TATDN2: variants seen among roughly 807,000 people sequenced by gnomAD.
The protein encoded by TATDN2 is 3'-5' RNA nuclease TATDN2.
A neutral mutation model predicts 60.3 loss-of-function variants in TATDN2; 44 were observed. The ratio of observed to expected loss-of-function variants is 0.73; its 90% CI spans 0.57 to 0.94. The LOEUF (loss-of-function observed/expected upper bound fraction) is 0.94. Ranked by LOEUF, TATDN2 falls within the 40% of genes least tolerant of loss-of-function variation. TATDN2 has a pLI of 0.00. For synonymous variants in TATDN2, 399 were observed against 355.8 expected (o/e 1.12, Z -1.37); for missense variants, 997 against 948.0 (o/e 1.05, Z -0.68).
rs906805539 is a variant in TATDN2, at chr3:10,279,291, A to T, written c.*109A>T. ...TCTCAGGTCGAGGATGTGTTTAGAG[A>T]GCTGATTGGAACACAGAAAACCAGG... On this transcript the variant is annotated 3_prime_UTR_variant, in exon 8 of 8. Transcript: ENST00000448281. 1 of 315,154 alleles carries T rather than the reference A, an allele frequency of 3.2e-6. No individual in the cohort carries two copies. Among genetic ancestry groups the T allele is most frequent in the Non-Finnish European group, 5.9e-6 (1 of 170,472 alleles). 19.5% of individuals were successfully genotyped at this position (315,154 alleles called of 1,614,324 possible).
intron 2 of TATDN2, among the ~76,000 whole-genome samples, chr3:10,253,016 C>A (rs1698254658): frequency 6.6e-6 from 1 of 152,112 alleles, no homozygotes; most frequent in Non-Finnish European, 1.5e-5. Flanking sequence ...GCCACCATGT[C>A]CGGCTAATTT....
intron 2 of TATDN2, among the ~76,000 whole-genome samples, chr3:10,256,298 G>A (rs1698307430): frequency 6.6e-6 from 1 of 151,944 alleles, no homozygotes; most frequent in Admixed American, 6.6e-5. Flanking sequence ...CTCAGCTCCT[G>A]GAGTAGCTGG....
At chr3:10,275,085 A>C (rs2125180998) in intron 4 of TATDN2, among the ~76,000 whole-genome samples, 1 of 149,170 alleles carries the variant, frequency 6.7e-6, no homozygotes, top group East Asian at 2.0e-4. Context: ...TCCCAGGTTC[A>C]GGGGATTCTC....
At chr3:10,266,601 A>G (rs1000081783) in intron 3 of TATDN2, among the ~76,000 whole-genome samples, 19 of 152,244 alleles carry the variant, frequency 1.2e-4, no homozygotes, top group Non-Finnish European at 4.4e-5. Flanking sequence ...ATACAGGGTC[A>G]GATGCATTTT....
At position 10,279,403 on chromosome 3, in the gene TATDN2, G is replaced by T; in HGVS notation, c.*221G>T. 1 of 214,746 alleles carries T rather than the reference G, an allele frequency of 4.7e-6. No homozygotes were observed. The highest frequency in any genetic ancestry group is 7.0e-5 in the South Asian group (1 of 14,360). 13.3% of individuals were successfully genotyped at this position (214,746 alleles called of 1,614,324 possible). A position where few individuals can be genotyped will look rare whatever the true frequency, so the allele number is the denominator to read the frequency against. On this transcript the variant is annotated 3_prime_UTR_variant, in exon 8 of 8. Coordinates refer to ENST00000448281, the MANE Select transcript of TATDN2 (RefSeq NM_014760.4). ...GGTGGGCATGGAATGAGGGGTATGG[G>T]GACTGCCTGTAATAGCACTGGGATT...
In TATDN2 at chr3:10,248,489, C is replaced by A. The variant is rs969368277; in HGVS notation, c.-585C>A. 11 of 152,112 alleles carry A rather than the reference C, an allele frequency of 7.2e-5. No homozygotes were observed. Among genetic ancestry groups the A allele is most frequent in the African/African-American group, 1.9e-4 (8 of 41,414 alleles). 9.4% of individuals were successfully genotyped at this position (152,112 alleles called of 1,614,324 possible). ...TCTCCGGCCTGCGGGCCGCAGGGCT[C>A]GTTCCGGAGGGCGGGCGCCACGGAG... is the stretch of plus-strand genomic sequence containing the variant. On this transcript the variant is annotated 5_prime_UTR_variant, in exon 1 of 8. Coordinates refer to ENST00000448281, the MANE Select transcript of TATDN2 (RefSeq NM_014760.4).
intron 3 of TATDN2, among the ~76,000 whole-genome samples, chr3:10,265,689 A>G (rs1307402822): frequency 6.6e-6 from 1 of 150,856 alleles, no homozygotes; most frequent in African/African-American, 2.4e-5. Context: ...CTCAAAAAAA[A>G]AAAAAAAAAA....
chr3:10,265,757 C>G (rs935378160), intron 3 of TATDN2, among the ~76,000 whole-genome samples: 3 of 150,768 alleles, frequency 2.0e-5, no homozygotes, highest in South Asian at 4.2e-4. Flanking sequence ...CTCATTGCAC[C>G]TTTATTTTTC....
Position 10,269,981 on chromosome 3 carries a change from A to C in TATDN2, c.949-150A>C, listed in dbSNP as rs1164801778. 3 of 1,004,756 alleles carry C rather than the reference A, an allele frequency of 3.0e-6. No individual in the cohort carries two copies. In the East Asian group the frequency reaches 7.6e-5, roughly 25 times the overall value. 62.2% of individuals were successfully genotyped at this position (1,004,756 alleles called of 1,614,324 possible). A position where few individuals can be genotyped will look rare whatever the true frequency, so the allele number is the denominator to read the frequency against. On this transcript the variant is annotated intron_variant, in intron 3 of 7. Transcript: ENST00000448281. Reference sequence around the variant, plus strand: ...GGACATTTCTGGAAATTGTAAGGAAACCAGGTGACAGGGTGAGCTAATGAG... The same window carrying C: ...GGACATTTCTGGAAATTGTAAGGAACCCAGGTGACAGGGTGAGCTAATGAG...
chr3:10,268,127 A>G (rs1332204323), intron 3 of TATDN2, among the ~76,000 whole-genome samples: 1 of 152,252 alleles, frequency 6.6e-6, no homozygotes, highest in Admixed American at 6.5e-5. Context: ...TTCAGATTAA[A>G]TTAAAAATGT....
chr3:10,259,609 A>G (rs191830754), intron 2 of TATDN2, among the ~76,000 whole-genome samples: 10 of 152,338 alleles, frequency 6.6e-5, no homozygotes, highest in African/African-American at 1.7e-4. Context: ...GGTATTTTCC[A>G]AAACCAAGTT....
intron 4 of TATDN2, among the ~76,000 whole-genome samples, chr3:10,275,104 G>A (rs1324975531): frequency 6.6e-6 from 1 of 150,754 alleles, no homozygotes; most frequent in Non-Finnish European, 1.5e-5. Flanking sequence ...TCCTGCCTCA[G>A]CCACCCAAGT....
At chr3:10,256,100 G>T (rs1183112001) in intron 2 of TATDN2, among the ~76,000 whole-genome samples, 1 of 151,852 alleles carries the variant, frequency 6.6e-6, no homozygotes, top group South Asian at 2.1e-4. Flanking sequence ...CCTTTCTCCT[G>T]GTTTTCCCTT....
At position 10,278,178 on chromosome 3, in the gene TATDN2, C is replaced by T; in HGVS notation, c.1962-101C>T. On this transcript the variant is annotated intron_variant, in intron 5 of 7. Coordinates refer to ENST00000448281, the MANE Select transcript of TATDN2 (RefSeq NM_014760.4). This position sits in a 1 kb window ranked among gnomAD's most constrained non-coding sequence, Gnocchi z 4.7. ...GTCCTTCCCTAGGATGCAGTCTTTCCATTTCTGGGAATCATTGAAAAGGGG... is the reference window on the plus strand; with the variant it reads ...GTCCTTCCCTAGGATGCAGTCTTTCTATTTCTGGGAATCATTGAAAAGGGG... 7.3e-7 allele frequency: 1 copy of T among 1,368,380 alleles called. No homozygotes were observed. The highest frequency in any genetic ancestry group is 1.0e-6 in the Non-Finnish European group (1 of 993,636). 84.8% of individuals were successfully genotyped at this position (1,368,380 alleles called of 1,614,324 possible). A position where few individuals can be genotyped will look rare whatever the true frequency, so the allele number is the denominator to read the frequency against.
At chr3:10,258,902 C>G (rs1171775771) in intron 2 of TATDN2, among the ~76,000 whole-genome samples, 3 of 151,014 alleles carry the variant, frequency 2.0e-5, no homozygotes, top group Non-Finnish European at 4.4e-5. Flanking sequence ...TAGGGTCTCA[C>G]TGTATTGCCT....
At chr3:10,269,528 G>A (rs1366881737) in intron 3 of TATDN2, among the ~76,000 whole-genome samples, 1 of 152,092 alleles carries the variant, frequency 6.6e-6, no homozygotes, top group African/African-American at 2.4e-5. Context: ...GGGCAATATA[G>A]GGAGACCCCC....
intron 4 of TATDN2, among the ~76,000 whole-genome samples, 188 bp downstream of exon 4, chr3:10,271,203 C>T (rs775403250): frequency 6.6e-5 from 10 of 152,146 alleles, no homozygotes; most frequent in Non-Finnish European, 1.5e-4. Flanking sequence ...TCTTACTGTT[C>T]AGCTTTATTA....
At position 10,249,244 on chromosome 3, in the gene TATDN2, C is replaced by G; in HGVS notation, c.44C>G (p.Thr15Arg). 6.4e-7 allele frequency: 1 copy of G among 1,558,810 alleles called. No homozygotes were observed. Among genetic ancestry groups the G allele is most frequent in the Non-Finnish European group, 8.7e-7 (1 of 1,150,664 alleles). ...RGKVKHNWSS[T>R]SEGCPRKRSC... ...AAGGTCAAGCACAACTGGAGCAGCACGTCGGAAGGGTGTCCCCGCAAGCGC... is the reference window on the plus strand; with the variant it reads ...AAGGTCAAGCACAACTGGAGCAGCAGGTCGGAAGGGTGTCCCCGCAAGCGC... Residue 15 changes from threonine to arginine, a missense_variant, in exon 2 of 8, where the codon ACG becomes AGG. By Grantham distance (71) the Thr-to-Arg change is moderately conservative. Coordinates refer to ENST00000448281, the MANE Select transcript of TATDN2 (RefSeq NM_014760.4).
chr3:10,270,092 G>A lies in TATDN2; in HGVS notation c.949-39G>A, dbSNP rs113984291. The stretch of plus-strand genomic sequence containing the variant: ...CAGCCTGGGAGGCCATCTTCACATC[G>A]GAAGGCTAACCCACTGTTGTATGCC... On this transcript the variant is annotated intron_variant, in intron 3 of 7. Coordinates refer to ENST00000448281, the MANE Select transcript of TATDN2 (RefSeq NM_014760.4). The A allele has an allele frequency of 7.0e-4, 1,093 of 1,566,806 alleles. 1 individual carries two copies. The highest frequency in any genetic ancestry group is 2.4e-3 in the Middle Eastern group (11 of 4,666).
Sources: gnomAD v4.1 joint callset for allele counts (sites outside exome capture counted in the v4.1 genomes callset) on GRCh38, gnomAD v4.1.1 for gene constraint, Gnocchi (gnomAD v3.1) non-coding constraint, MANE v1.5 for transcripts, NCBI Gene and HGNC (gene_info 2026-07-23, HGNC 2026-07-21) for gene names.